FRS2: variants seen among roughly 807,000 people sequenced by gnomAD.
FRS2 encodes fibroblast growth factor receptor substrate 2.
In FRS2, 8 loss-of-function variants were observed where a neutral mutation model predicts 43.9. The ratio of observed to expected loss-of-function variants is 0.18; its 90% CI spans 0.11 to 0.33. The LOEUF (loss-of-function observed/expected upper bound fraction) is 0.33, where lower values mean the gene tolerates loss of function less well. Ranked by LOEUF, FRS2 falls within the 10% of genes least tolerant of loss-of-function variation. FRS2 has a pLI of 1.00. For missense variants in FRS2, 534 were observed against 627.6 expected (o/e 0.85, Z 1.59); for synonymous variants, 219 against 220.3 (o/e 0.99, Z 0.05).
At chr12:69,500,081 T>G (rs1873299851) in intron 1 of FRS2, among the ~76,000 whole-genome samples, 1 of 152,112 alleles carries the variant, frequency 6.6e-6, no homozygotes, top group Non-Finnish European at 1.5e-5. Context: ...ATTGGTACCG[T>G]AAATGGAAAA....
Position 69,577,178 on chromosome 12 carries a change from A to G in FRS2, c.*2223A>G, listed in dbSNP as rs1226760592. ...TTTATTTTTTTTAGATAACTCCAAT[A>G]TAATCATTACAGTTTATGCTTTAAA... is the stretch of plus-strand genomic sequence containing the variant. On this transcript the variant is annotated 3_prime_UTR_variant, in exon 9 of 9. Coordinates refer to ENST00000549921, the MANE Select transcript of FRS2 (RefSeq NM_001278356.2). The G allele has an allele frequency of 6.6e-6, 1 of 152,106 alleles. No homozygotes were observed. The highest frequency in any genetic ancestry group is 1.5e-5 in the Non-Finnish European group (1 of 68,002). 9.4% of individuals were successfully genotyped at this position (152,106 alleles called of 1,614,324 possible).
At chr12:69,572,315 A>G (rs1880836772) in intron 8 of FRS2, 34 bp downstream of exon 8, 1 of 1,553,398 alleles carries the variant, frequency 6.4e-7, no homozygotes, top group Non-Finnish European at 8.9e-7. Flanking sequence ...AGCAATAATG[A>G]TTGTTCAGAG....
intron 1 of FRS2, among the ~76,000 whole-genome samples, chr12:69,500,722 C>T (rs1391323828): frequency 2.6e-5 from 4 of 151,968 alleles, no homozygotes; most frequent in Non-Finnish European, 4.4e-5. Flanking sequence ...AGAATTCCAC[C>T]CCTTTTTAGA....
At chr12:69,476,811 A>C (rs1471977211) in intron 1 of FRS2, among the ~76,000 whole-genome samples, 1 of 152,034 alleles carries the variant, frequency 6.6e-6, no homozygotes, top group Admixed American at 6.6e-5. Flanking sequence ...GTGACTGTTA[A>C]ATTAAGGCTT....
intron 1 of FRS2, among the ~76,000 whole-genome samples, chr12:69,524,168 C>T (rs911171151): frequency 2.0e-5 from 3 of 151,938 alleles, no homozygotes; most frequent in African/African-American, 4.8e-5. Flanking sequence ...GCAGCAGTGT[C>T]GGCGGCAGGG....
At chr12:69,568,297 A>G (rs1275747320) in intron 4 of FRS2, among the ~76,000 whole-genome samples, 1 of 152,224 alleles carries the variant, frequency 6.6e-6, no homozygotes, top group South Asian at 2.1e-4. Context: ...TTAATTACCA[A>G]TGAACTCTTG....
rs200453153 is a variant in FRS2 at position 69,475,335 on chromosome 12, AGTCCT to A, written c.-261+4808_-261+4812del. On this transcript the variant is annotated intron_variant, in intron 1 of 8. Transcript: ENST00000549921. ...CACAGGCACTTGGGAATGTCGAAAG[AGTCCT>A]GTGTCAGTGTTGTTGGAGGCAGGGG... Among the ~76,000 whole-genome samples the A allele has an allele frequency of 9.2e-3, 1,401 of 152,308 alleles. 24 individuals carry two copies. The highest frequency in any genetic ancestry group is 0.031 in the African/African-American group (1,290 of 41,568).
intron 1 of FRS2, among the ~76,000 whole-genome samples, chr12:69,483,039 G>C (rs1056737486): frequency 6.6e-6 from 1 of 152,076 alleles, no homozygotes; most frequent in East Asian, 1.9e-4. Flanking sequence ...ATTCTATTTT[G>C]AAGTAGACTC....
intron 3 of FRS2, among the ~76,000 whole-genome samples, chr12:69,561,380 T>A (rs573049655): frequency 7.2e-5 from 11 of 152,330 alleles, no homozygotes; most frequent in African/African-American, 2.6e-4. Flanking sequence ...AATGTTCATT[T>A]TGGCTATCAA....
chr12:69,557,423 G>A (rs915622691), intron 3 of FRS2, among the ~76,000 whole-genome samples: 2 of 152,134 alleles, frequency 1.3e-5, no homozygotes, highest in African/African-American at 4.8e-5. Flanking sequence ...TACCTTAAAA[G>A]CACACACCTT....
Position 69,546,005 on chromosome 12 carries a change from C to T in FRS2, c.-122+13949C>T, listed in dbSNP as rs189782778. On this transcript the variant is annotated intron_variant, in intron 3 of 8. Coordinates refer to ENST00000549921, the MANE Select transcript of FRS2 (RefSeq NM_001278356.2). ...ACAACTCTTGTAAGGAAATGTAGGG[C>T]GAATGCTTCATGACATTGGATTTGG... Among the ~76,000 whole-genome samples, 6 of 152,044 alleles carry T rather than the reference C, an allele frequency of 3.9e-5. No individual in the cohort carries two copies. In the South Asian group the frequency reaches 6.2e-4, roughly 16 times the overall value.
At chr12:69,525,245 T>C (rs1326312604) in intron 1 of FRS2, among the ~76,000 whole-genome samples, 2 of 151,990 alleles carry the variant, frequency 1.3e-5, no homozygotes, top group Admixed American at 1.3e-4. Context: ...CTAGAATGTG[T>C]GTAGCATGTT....
intron 3 of FRS2, among the ~76,000 whole-genome samples, chr12:69,555,669 GGGATGACTGT>G (rs925446920): frequency 1.3e-5 from 2 of 152,148 alleles, no homozygotes; most frequent in African/African-American, 4.8e-5. Context: ...AGATTCCACA[GGGATGACTGT>G]GGCACTTGAG....
Position 69,575,220 on chromosome 12 carries a change from C to T in FRS2, c.*265C>T, listed in dbSNP as rs937942795. On this transcript the variant is annotated 3_prime_UTR_variant, in exon 9 of 9. Transcript: ENST00000549921. ...TTAAAATGAGAGTTGAAGTAAATGA[C>T]ATGCTGGTTGATTTTTATCAATATT... 8 of 413,108 alleles carry T rather than the reference C, an allele frequency of 1.9e-5. No individual in the cohort carries two copies. Among genetic ancestry groups the T allele is most frequent in the Non-Finnish European group, 2.6e-5 (6 of 232,830 alleles). The allele number at this position is 413,108 out of a possible 1,614,324, so 25.6% of individuals were successfully genotyped here.
intron 3 of FRS2, among the ~76,000 whole-genome samples, chr12:69,548,861 G>A (rs1307397108): frequency 6.6e-6 from 1 of 152,178 alleles, no homozygotes; most frequent in Non-Finnish European, 1.5e-5. Context: ...CCTAACAGGG[G>A]CCATTACTAG....
chr12:69,474,270 A>G (rs2055218054), intron 1 of FRS2, among the ~76,000 whole-genome samples: 1 of 152,206 alleles, frequency 6.6e-6, no homozygotes, highest in Admixed American at 6.5e-5. Flanking sequence ...AACGCTGGAA[A>G]TGTCCAAAGG....
At chr12:69,530,306 C>A (rs529784318) in intron 1 of FRS2, among the ~76,000 whole-genome samples, 1 of 150,794 alleles carries the variant, frequency 6.6e-6, no homozygotes, top group South Asian at 2.1e-4. Flanking sequence ...AATGGCACTC[C>A]GGAGTTGCAA....
At position 69,512,720 on chromosome 12, in the gene FRS2, G is replaced by A. The variant is rs74730565; in HGVS notation, c.-260-18145G>A. 0.011 allele frequency among the ~76,000 whole-genome samples: 1,681 copies of A among 152,110 alleles called. 99 individuals carry two copies. The East Asian group carries it at 0.16, about 14-fold the overall frequency. On this transcript the variant is annotated intron_variant, in intron 1 of 8. Transcript: ENST00000549921. ...ATGATTTTACTTTATAACACATCCCGGGCATTACCTAGAAATGAAGTTATA... is the reference window on the plus strand; with the variant it reads ...ATGATTTTACTTTATAACACATCCCAGGCATTACCTAGAAATGAAGTTATA...
At chr12:69,527,343 A>ATTTTTTTTTTTTTAATGATTTTTT (rs1876354651) in intron 1 of FRS2, among the ~76,000 whole-genome samples, 2 of 84,216 alleles carry the variant, frequency 2.4e-5, no homozygotes, top group African/African-American at 1.0e-4. Flanking sequence ...TTTTTTAATG[A>ATTTTTTTTTTTTTAATGATTTTTT]TTTTTTTTTT....
Sources: allele counts gnomAD v4.1 joint callset (sites outside exome capture counted in the v4.1 genomes callset), GRCh38; gene constraint gnomAD v4.1.1; transcripts MANE v1.5; gene names NCBI Gene and HGNC (gene_info 2026-07-23, HGNC 2026-07-21).